Variants in EVI5 observed in about 807,000 individuals in gnomAD.
EVI5 encodes the protein ecotropic viral integration site 5, also known as ecotropic viral integration site 5 protein homolog.
A neutral mutation model predicts 112.0 loss-of-function variants in EVI5; 73 were observed. The ratio of observed to expected loss-of-function variants is 0.65; its 90% CI spans 0.54 to 0.79. The LOEUF (loss-of-function observed/expected upper bound fraction) is 0.79, where lower values mean the gene tolerates loss of function less well. Ranked by LOEUF, EVI5 falls within the 30% of genes least tolerant of loss-of-function variation. EVI5 has a pLI of 0.00. For synonymous variants in EVI5, 305 were observed against 319.9 expected (o/e 0.95, Z 0.50); for missense variants, 900 against 968.8 (o/e 0.93, Z 0.94).
At chr1:92,607,064 C>T (rs1354597371) in intron 17 of EVI5, among the ~76,000 whole-genome samples, 3 of 152,000 alleles carry the variant, frequency 2.0e-5, no homozygotes, top group African/African-American at 7.3e-5. Flanking sequence ...AAACACTTCA[C>T]AAAAAAGTAA....
At chr1:92,555,844 G>A (rs1410220471) in intron 19 of EVI5, among the ~76,000 whole-genome samples, 5 of 66,130 alleles carry the variant, frequency 7.6e-5, no homozygotes, top group African/African-American at 2.3e-4. Flanking sequence ...AGTGAAACTC[G>A]TCTCAAAAAA....
intron 11 of EVI5, among the ~76,000 whole-genome samples, chr1:92,664,436 A>G (rs958410695): frequency 4.6e-5 from 7 of 152,056 alleles, no homozygotes; most frequent in Admixed American, 2.6e-4. Context: ...CGAAGGTTCA[A>G]TGAAATATTA....
intron 9 of EVI5, among the ~76,000 whole-genome samples, chr1:92,680,905 G>A (rs1203887925): frequency 6.6e-6 from 1 of 152,048 alleles, no homozygotes; most frequent in Non-Finnish European, 1.5e-5. Flanking sequence ...CACAAAGACT[G>A]AGGAAATATG....
chr1:92,639,960 C>T (rs1659619554), intron 13 of EVI5, among the ~76,000 whole-genome samples: 2 of 152,166 alleles, frequency 1.3e-5, no homozygotes, highest in Admixed American at 6.5e-5. Flanking sequence ...AGAAATAACA[C>T]CGTACTTCTA....
chr1:92,523,622 A>G (rs977184936), intron 19 of EVI5, among the ~76,000 whole-genome samples: 1 of 152,180 alleles, frequency 6.6e-6, no homozygotes, highest in Non-Finnish European at 1.5e-5. Flanking sequence ...TAGATTTGCT[A>G]TCTTCCAAAT....
chr1:92,742,244 G>A (rs1678525320), intron 1 of EVI5, among the ~76,000 whole-genome samples: 1 of 151,908 alleles, frequency 6.6e-6, no homozygotes, highest in African/African-American at 2.4e-5. Context: ...ATTTTTTTAA[G>A]AGATGAGGTC....
At chr1:92,735,488 T>C (rs1677170401) in intron 2 of EVI5, among the ~76,000 whole-genome samples, 1 of 151,416 alleles carries the variant, frequency 6.6e-6, no homozygotes, top group South Asian at 2.1e-4. Context: ...CAACAATACA[T>C]CAAAAAACCT....
At chr1:92,523,593 A>G (rs1661325635) in intron 19 of EVI5, among the ~76,000 whole-genome samples, 1 of 152,144 alleles carries the variant, frequency 6.6e-6, no homozygotes, top group African/African-American at 2.4e-5. Context: ...TTTAAAAATA[A>G]TGTATTTTAG....
At chr1:92,780,163 CT>C in intron 1 of EVI5, among the ~76,000 whole-genome samples, 1 of 152,360 alleles carries the variant, frequency 6.6e-6, no homozygotes, top group East Asian at 1.9e-4. Flanking sequence ...GGGCTTCACC[CT>C]TTGCTGGGCA....
chr1:92,584,530 T>C (rs776991700), intron 18 of EVI5, among the ~76,000 whole-genome samples: 13 of 152,200 alleles, frequency 8.5e-5, no homozygotes, highest in Non-Finnish European at 1.8e-4. Context: ...TAGCAACCAC[T>C]AGGCTTTAGT....
At chr1:92,677,351 A>G (rs2102320849) in intron 9 of EVI5, 133 bp from the exon 10 acceptor site, 2 of 504,230 alleles carry the variant, frequency 4.0e-6, no homozygotes, top group East Asian at 6.7e-5. Flanking sequence ...ACTTGGAGAT[A>G]TTTGATGTGA....
At chr1:92,740,924 T>C (rs1678274306) in intron 1 of EVI5, among the ~76,000 whole-genome samples, 1 of 152,186 alleles carries the variant, frequency 6.6e-6, no homozygotes, top group Non-Finnish European at 1.5e-5. Flanking sequence ...GGGACTCTGA[T>C]ATGAAATTTT....
chr1:92,759,087 G>A (rs960616116), intron 1 of EVI5, among the ~76,000 whole-genome samples: 6 of 152,060 alleles, frequency 3.9e-5, no homozygotes, highest in African/African-American at 9.7e-5. Flanking sequence ...AAACTTAGCC[G>A]GGTGTGGTGG....
rs1252815979 is a variant in EVI5, at chr1:92,715,841, C to G, written c.150-11097G>C. ...CCTGGCTCGGTGGGTCCCACACCCACAGAGCTTTGCTCACTGCTAGCTCAG... is the reference window on the plus strand; with the variant it reads ...CCTGGCTCGGTGGGTCCCACACCCAGAGAGCTTTGCTCACTGCTAGCTCAG... On this transcript the variant is annotated intron_variant, in intron 2 of 19. Transcript: ENST00000684568. 2.6e-5 allele frequency among the ~76,000 whole-genome samples: 4 copies of G among 152,254 alleles called. No individual in the cohort carries two copies. In the East Asian group the frequency reaches 5.8e-4, roughly 22 times the overall value.
At chr1:92,609,775 T>C (rs1056428526) in intron 16 of EVI5, among the ~76,000 whole-genome samples, 1 of 152,204 alleles carries the variant, frequency 6.6e-6, no homozygotes, top group South Asian at 2.1e-4. Context: ...ATCTAATAGA[T>C]GTAAGCTCCA....
intron 18 of EVI5, among the ~76,000 whole-genome samples, chr1:92,567,747 T>C (rs182247161): frequency 4.1e-4 from 62 of 152,350 alleles, no homozygotes; most frequent in African/African-American, 1.5e-3. Flanking sequence ...TAACTGCATA[T>C]TTACACATAC....
intron 13 of EVI5, among the ~76,000 whole-genome samples, chr1:92,640,021 C>G (rs1399670499): frequency 6.6e-6 from 1 of 152,160 alleles, no homozygotes; most frequent in Non-Finnish European, 1.5e-5. Context: ...GAAAGGATCT[C>G]CTATTCAATA....
At chr1:92,694,264 C>CA (rs747110217) in intron 8 of EVI5, 35 bp downstream of exon 8, 108,283 of 975,192 alleles carry the variant, frequency 0.11, 3 homozygotes, top group Non-Finnish European at 0.12. Context: ...AACTCTGTCT[C>CA]AAAAAAAAAA....
chr1:92,514,091 C>A, intron 19 of EVI5, 121 bp from the exon 20 acceptor site: 1 of 572,054 alleles, frequency 1.7e-6, no homozygotes. Flanking sequence ...CAGGTATAAT[C>A]ATAGTTACTA....
Sources: gnomAD v4.1 joint callset for allele counts (sites outside exome capture counted in the v4.1 genomes callset) on GRCh38, gnomAD v4.1.1 for gene constraint, MANE v1.5 for transcripts, NCBI Gene and HGNC (gene_info 2026-07-23, HGNC 2026-07-21) for gene names.